The following ANKRD44 variants were observed in gnomAD, a reference collection of about 807,000 sequenced individuals.
The protein encoded by ANKRD44 is ankyrin repeat domain 44.
ANKRD44 carries 35 observed loss-of-function variants against 116.0 expected under a neutral mutation model. The ratio of observed to expected loss-of-function variants is 0.30; its 90% CI spans 0.23 to 0.40. ANKRD44 has a LOEUF of 0.40. Ranked by LOEUF, ANKRD44 falls within the 10% of genes least tolerant of loss-of-function variation. The pLI, the probability that ANKRD44 is intolerant of heterozygous loss-of-function variation, is 1.00. For synonymous variants in ANKRD44, 435 were observed against 461.8 expected (o/e 0.94, Z 0.74); for missense variants, 1,014 against 1,242.6 (o/e 0.82, Z 2.77).
chr2:197,222,997 G>A (rs577584305), intron 1 of ANKRD44, among the ~76,000 whole-genome samples: 1 of 151,862 alleles, frequency 6.6e-6, no homozygotes, highest in East Asian at 1.9e-4. Flanking sequence ...ATTTTCAGTT[G>A]AGATAGGGTT....
chr2:197,064,962 A>T, intron 16 of ANKRD44, among the ~76,000 whole-genome samples: 1 of 152,206 alleles, frequency 6.6e-6, no homozygotes, highest in East Asian at 1.9e-4. Context: ...CCTAATAGAC[A>T]TCTACAGAAC....
intron 1 of ANKRD44, among the ~76,000 whole-genome samples, chr2:197,247,841 C>G (rs1469160803): frequency 6.6e-6 from 1 of 152,172 alleles, no homozygotes; most frequent in African/African-American, 2.4e-5. Flanking sequence ...AAGTTCTGCT[C>G]AGTTCAGACC....
intron 1 of ANKRD44, 75 bp from the exon 2 acceptor site, chr2:197,187,181 G>T: frequency 7.0e-7 from 1 of 1,428,376 alleles, no homozygotes; most frequent in African/African-American, 1.4e-5. Context: ...ATGGTGAGAA[G>T]ATTTGTTCCT....
intron 10 of ANKRD44, among the ~76,000 whole-genome samples, chr2:197,096,750 C>T (rs2125208807): frequency 6.6e-6 from 1 of 152,204 alleles, no homozygotes; most frequent in African/African-American, 2.4e-5. Context: ...CTTTAATAAT[C>T]CTATAAGGAA....
chr2:197,005,752 C>T lies in ANKRD44; in HGVS notation c.2289G>A (p.Glu763=). 1.1e-5 allele frequency: 18 copies of T among 1,614,100 alleles called. No individual in the cohort carries two copies. Among genetic ancestry groups the T allele is most frequent in the Non-Finnish European group, 1.5e-5 (18 of 1,180,004 alleles). The part of the protein sequence containing the change: ...SELLQMALSE[E]DCCFKDNQGY... ...CTTGGTTATCTTTGAAACAACAGTC[C>T]TCCTCAGAAAGAGCCATTTGGAGCA... is the stretch of plus-strand genomic sequence containing the variant. Residue 763 remains glutamate, a synonymous_variant, in exon 21 of 28, where the codon GAG becomes GAA. Transcript: ENST00000282272.
chr2:197,247,413 C>G (rs1041444196), intron 1 of ANKRD44, among the ~76,000 whole-genome samples: 1 of 152,122 alleles, frequency 6.6e-6, no homozygotes, highest in African/African-American at 2.4e-5. Context: ...ACAATGTACC[C>G]TTTTGTTCCC....
At position 197,013,501 on chromosome 2, in the gene ANKRD44, C is replaced by T. The variant is rs2076334920; in HGVS notation, c.1924+10G>A. 1 of 1,613,854 alleles carries T rather than the reference C, an allele frequency of 6.2e-7. No individual in the cohort carries two copies. Among genetic ancestry groups the T allele is most frequent in the Non-Finnish European group, 8.5e-7 (1 of 1,179,752 alleles). The stretch of plus-strand genomic sequence containing the variant: ...AAAACTAGGGTAATCAGGCCCTTGA[C>T]AAGACCTACCTGAGGCATGAAGTGG... On this transcript the variant is annotated intron_variant, in intron 18 of 27. Coordinates refer to ENST00000282272, the MANE Select transcript of ANKRD44 (RefSeq NM_001195144.2).
chr2:197,176,803 C>A (rs1197147209), intron 2 of ANKRD44, among the ~76,000 whole-genome samples: 2 of 152,120 alleles, frequency 1.3e-5, no homozygotes, highest in African/African-American at 4.8e-5. Context: ...CCGGGTATAA[C>A]CAGCTATGCA....
At position 196,989,162 on chromosome 2, in the gene ANKRD44, A is replaced by G. The variant is rs1272942228; in HGVS notation, c.*429T>C. On this transcript the variant is annotated 3_prime_UTR_variant, in exon 28 of 28. Coordinates refer to ENST00000282272, the MANE Select transcript of ANKRD44 (RefSeq NM_001195144.2). Reference sequence around the variant, plus strand: ...CTTTTTTTTTGTTATTCTAAATAAGATACATAGCAATTAAAATAGAGAACA... The same window carrying G: ...CTTTTTTTTTGTTATTCTAAATAAGGTACATAGCAATTAAAATAGAGAACA... The G allele has an allele frequency of 1.0e-6, 1 of 983,690 alleles. No homozygotes were observed. Among genetic ancestry groups the G allele is most frequent in the Non-Finnish European group, 1.2e-6 (1 of 828,684 alleles). The allele number at this position is 983,690 out of a possible 1,614,324, so 60.9% of individuals were successfully genotyped here.
intron 1 of ANKRD44, among the ~76,000 whole-genome samples, chr2:197,268,524 C>T (rs1187788115): frequency 2.6e-5 from 4 of 152,148 alleles, no homozygotes; most frequent in Non-Finnish European, 5.9e-5. Flanking sequence ...ATACTGTTCC[C>T]ATTTTATAGG....
intron 18 of ANKRD44, among the ~76,000 whole-genome samples, chr2:197,012,421 G>A (rs921840922): frequency 1.3e-5 from 2 of 152,124 alleles, no homozygotes; most frequent in Non-Finnish European, 1.5e-5. Flanking sequence ...TTTTAAAAAG[G>A]AGGACAAAAT....
chr2:197,186,756 C>T (rs985737877), intron 2 of ANKRD44, among the ~76,000 whole-genome samples: 49 of 150,346 alleles, frequency 3.3e-4, no homozygotes, highest in African/African-American at 9.5e-4. Context: ...CCACTGCGCC[C>T]AGCCTAAATG....
intron 16 of ANKRD44, among the ~76,000 whole-genome samples, chr2:197,068,851 GACTGTAA>G (rs2077498685): frequency 6.6e-6 from 1 of 152,184 alleles, no homozygotes; most frequent in Non-Finnish European, 1.5e-5. Flanking sequence ...CTGTTGGTGG[GACTGTAA>G]ACTAGTTCAA....
At chr2:197,269,736 C>T (rs1026197449) in intron 1 of ANKRD44, among the ~76,000 whole-genome samples, 3 of 152,086 alleles carry the variant, frequency 2.0e-5, no homozygotes, top group African/African-American at 7.2e-5. Context: ...AATACACACT[C>T]AAAGTGGCCC....
intron 1 of ANKRD44, among the ~76,000 whole-genome samples, chr2:197,274,527 C>G (rs919316465): frequency 1.3e-5 from 2 of 152,126 alleles, no homozygotes; most frequent in African/African-American, 4.8e-5. Flanking sequence ...TATAAAGGCC[C>G]ACGATGGCCC....
chr2:197,277,393 A>G lies in ANKRD44; in HGVS notation c.27+33185T>C, dbSNP rs190972575. Among the ~76,000 whole-genome samples, 5 of 152,220 alleles carry G rather than the reference A, an allele frequency of 3.3e-5. No homozygotes were observed. The East Asian group carries it at 7.7e-4, about 24-fold the overall frequency. On this transcript the variant is annotated intron_variant, in intron 1 of 27. Coordinates refer to ENST00000282272, the MANE Select transcript of ANKRD44 (RefSeq NM_001195144.2). Reference sequence around the variant, plus strand: ...GAAATACCAGTGAAGTGCTATGGGAATTCAAGAAAGGAACAGCTGGGCTGG... The same window carrying G: ...GAAATACCAGTGAAGTGCTATGGGAGTTCAAGAAAGGAACAGCTGGGCTGG...
At chr2:197,238,892 A>T (rs1314915061) in intron 1 of ANKRD44, among the ~76,000 whole-genome samples, 1 of 151,942 alleles carries the variant, frequency 6.6e-6, no homozygotes, top group Non-Finnish European at 1.5e-5. Flanking sequence ...TTCAGTAGAG[A>T]CGGGGTTTCG....
At chr2:197,274,489 C>T (rs2083016202) in intron 1 of ANKRD44, among the ~76,000 whole-genome samples, 1 of 152,302 alleles carries the variant, frequency 6.6e-6, no homozygotes, top group Middle Eastern at 3.4e-3. Context: ...ATTCCTGTGA[C>T]AACCTGCCTG....
chr2:197,119,904 T>A (rs1055206445), intron 8 of ANKRD44, among the ~76,000 whole-genome samples: 2 of 152,212 alleles, frequency 1.3e-5, no homozygotes, highest in Admixed American at 6.5e-5. Flanking sequence ...CTTGGTTAGC[T>A]GTCACATGGC....
Sources: allele counts gnomAD v4.1 joint callset (sites outside exome capture counted in the v4.1 genomes callset), GRCh38; gene constraint gnomAD v4.1.1; transcripts MANE v1.5; gene names NCBI Gene and HGNC (gene_info 2026-07-23, HGNC 2026-07-21).